Variants in RIMS3 observed in about 807,000 individuals in gnomAD.
The protein encoded by RIMS3 is regulating synaptic membrane exocytosis protein 3.
A neutral mutation model predicts 29.2 loss-of-function variants in RIMS3; 15 were observed. That is an observed-to-expected ratio of 0.51 (90% confidence interval 0.34 to 0.79). The LOEUF (loss-of-function observed/expected upper bound fraction) is 0.79, where lower values mean the gene tolerates loss of function less well. Among genes scored for constraint, RIMS3 ranks in the 30% least tolerant of loss-of-function variants. RIMS3 has a pLI of 0.01. For missense variants in RIMS3, 342 were observed against 421.4 expected, an observed-to-expected ratio of 0.81 and a Z score of 1.65; for synonymous variants, 161 against 170.1, an observed-to-expected ratio of 0.95 and a Z score of 0.41.
chr1:40,654,410 G>A lies in RIMS3; in HGVS notation c.-206-6568C>T, dbSNP rs926541973. On this transcript the variant is annotated intron_variant, in intron 1 of 7. Coordinates refer to ENST00000372684, the MANE Select transcript of RIMS3 (RefSeq NM_014747.3). The surrounding 1 kb of genome is among the most constrained non-coding windows in gnomAD (Gnocchi z 5.3). The stretch of plus-strand genomic sequence containing the variant: ...CCTTTCAGGGCACAAAGACCCGCAC[G>A]CAAGCCATACACCTCCGGTTGGCCA... Among the ~76,000 whole-genome samples the A allele has an allele frequency of 1.3e-5, 2 of 152,056 alleles. No homozygotes were observed. Among genetic ancestry groups the A allele is most frequent in the Admixed American group, 6.6e-5 (1 of 15,266 alleles).
chr1:40,667,350 G>A (rs930925971), upstream of RIMS3, among the ~76,000 whole-genome samples: 5 of 152,146 alleles, frequency 3.3e-5, no homozygotes, highest in African/African-American at 4.8e-5. Flanking sequence ...ACTAGATTAG[G>A]GGAGGTGGGA....
intron 1 of RIMS3, among the ~76,000 whole-genome samples, chr1:40,664,397 C>T (rs981189661): frequency 3.3e-5 from 5 of 152,122 alleles, no homozygotes; most frequent in African/African-American, 1.2e-4. Flanking sequence ...TTGACCAGGC[C>T]CAATCCTCCT....
intron 3 of RIMS3, among the ~76,000 whole-genome samples, chr1:40,640,760 G>T (rs539827235): frequency 6.6e-6 from 1 of 152,230 alleles, no homozygotes; most frequent in South Asian, 2.1e-4. Context: ...CTGCAGCTAG[G>T]TGTCTGAAAA....
rs1041513395 is a variant in RIMS3, at chr1:40,631,251, G to A, written c.472+1818C>T. Reference sequence around the variant, plus strand: ...ACCTAAGAGAGGGAGGGGGCAGGGAGGTTCTGTCTGAGAGCTCATGAAATG... The same window carrying A: ...ACCTAAGAGAGGGAGGGGGCAGGGAAGTTCTGTCTGAGAGCTCATGAAATG... On this transcript the variant is annotated intron_variant, in intron 5 of 7. Coordinates refer to ENST00000372684, the MANE Select transcript of RIMS3 (RefSeq NM_014747.3). Among the ~76,000 whole-genome samples, 4 of 152,146 alleles carry A rather than the reference G, an allele frequency of 2.6e-5. No homozygotes were observed. The East Asian group carries it at 5.8e-4, about 22-fold the overall frequency.
Position 40,626,357 on chromosome 1 carries a change from C to T in RIMS3, c.*160G>A. On this transcript the variant is annotated 3_prime_UTR_variant, in exon 8 of 8. Coordinates refer to ENST00000372684, the MANE Select transcript of RIMS3 (RefSeq NM_014747.3). ...ACACACACACGCACGCACACACGCA[C>T]ACACTACAGTCTCCACTGCCAGCTG... The T allele has an allele frequency of 1.4e-6, 1 of 702,592 alleles. No homozygotes were observed. Among genetic ancestry groups the T allele is most frequent in the Non-Finnish European group, 2.5e-6 (1 of 395,270 alleles). 43.5% of individuals were successfully genotyped at this position (702,592 alleles called of 1,614,324 possible). A position where few individuals can be genotyped will look rare whatever the true frequency, so the allele number is the denominator to read the frequency against.
At chr1:40,630,904 C>G (rs1646485024) in intron 5 of RIMS3, among the ~76,000 whole-genome samples, 1 of 152,204 alleles carries the variant, frequency 6.6e-6, no homozygotes, top group Non-Finnish European at 1.5e-5. Context: ...TCAGCTGATC[C>G]TTGCCCTCTG....
upstream of RIMS3, among the ~76,000 whole-genome samples, chr1:40,667,391 T>C (rs1642439861): frequency 2.6e-5 from 4 of 151,508 alleles, no homozygotes; most frequent in South Asian, 8.3e-4. Context: ...GGAACGAGGG[T>C]GGAGGTGAGG....
chr1:40,621,398 G>A lies in RIMS3; in HGVS notation c.*5119C>T, dbSNP rs1014198544. ...GAGGGAGGACAAACCACGAAGAGAG[G>A]AAAGCAGAGTCTGTTAGGATTCCCA... On this transcript the variant is annotated 3_prime_UTR_variant, in exon 8 of 8. Coordinates refer to ENST00000372684, the MANE Select transcript of RIMS3 (RefSeq NM_014747.3). 1.3e-5 allele frequency: 2 copies of A among 152,198 alleles called. No individual in the cohort carries two copies. Among genetic ancestry groups the A allele is most frequent in the Non-Finnish European group, 2.9e-5 (2 of 68,054 alleles). The allele number at this position is 152,198 out of a possible 1,614,324, so 9.4% of individuals were successfully genotyped here.
chr1:40,633,050 T>C lies in RIMS3; in HGVS notation c.472+19A>G, dbSNP rs1427184053. On this transcript the variant is annotated intron_variant, in intron 5 of 7. Transcript: ENST00000372684. The stretch of plus-strand genomic sequence containing the variant: ...ATGGTCACCATTACCCCACTCAACC[T>C]GCCCTTAATAAGACTCACCCATGGG... 2 of 1,602,466 alleles carry C rather than the reference T, an allele frequency of 1.2e-6. No individual in the cohort carries two copies. Among genetic ancestry groups the C allele is most frequent in the Non-Finnish European group, 8.6e-7 (1 of 1,169,372 alleles).
chr1:40,672,159 T>C, the RIMS3 span, among the ~76,000 whole-genome samples: 1 of 151,480 alleles, frequency 6.6e-6, no homozygotes, highest in African/African-American at 2.4e-5. Flanking sequence ...AATCACCCCA[T>C]CTTTGAGATG....
At chr1:40,689,791 T>C in the RIMS3 span, among the ~76,000 whole-genome samples, 527 of 152,292 alleles carry the variant, frequency 3.5e-3, 2 homozygotes, top group African/African-American at 0.011. Flanking sequence ...AGTTATAACA[T>C]TGACTATTAA....
intron 3 of RIMS3, among the ~76,000 whole-genome samples, chr1:40,639,906 A>C (rs1646544773): frequency 6.6e-6 from 1 of 152,110 alleles, no homozygotes; most frequent in Non-Finnish European, 1.5e-5. Context: ...CATACCAAGG[A>C]GACAAGGGAT....
intron 1 of RIMS3, among the ~76,000 whole-genome samples, chr1:40,658,774 T>A (rs1024989356): frequency 6.6e-6 from 1 of 152,220 alleles, no homozygotes; most frequent in African/African-American, 2.4e-5. Context: ...TCAAGTTCCC[T>A]TGGCCCTCCA....
At chr1:40,690,104 A>G in the RIMS3 span, among the ~76,000 whole-genome samples, 2 of 152,258 alleles carry the variant, frequency 1.3e-5, no homozygotes, top group African/African-American at 4.8e-5. Flanking sequence ...AATAGACTGC[A>G]GCCCCTAAGT....
At chr1:40,677,665 T>C in the RIMS3 span, among the ~76,000 whole-genome samples, 1 of 151,794 alleles carries the variant, frequency 6.6e-6, no homozygotes, top group Non-Finnish European at 1.5e-5. Flanking sequence ...ACCACTGCAC[T>C]CCAGCCTGGG....
At chr1:40,646,493 T>A (rs1366398557) in intron 2 of RIMS3, among the ~76,000 whole-genome samples, 1 of 152,182 alleles carries the variant, frequency 6.6e-6, no homozygotes, top group East Asian at 1.9e-4. Flanking sequence ...CTGAGCAGAC[T>A]GTCCCTTTCT....
the RIMS3 span, among the ~76,000 whole-genome samples, chr1:40,682,222 T>A: frequency 6.6e-6 from 1 of 152,234 alleles, no homozygotes. Flanking sequence ...ATTCATTCAT[T>A]CATTCAATGT....
At chr1:40,661,198 A>C (rs1369492386) in intron 1 of RIMS3, among the ~76,000 whole-genome samples, 1 of 152,166 alleles carries the variant, frequency 6.6e-6, no homozygotes. Context: ...TATACCACAG[A>C]GATGATAATA....
the RIMS3 span, among the ~76,000 whole-genome samples, chr1:40,684,487 ATC>A: frequency 6.6e-6 from 1 of 152,222 alleles, no homozygotes; most frequent in Non-Finnish European, 1.5e-5. Flanking sequence ...AAAAACTGTG[ATC>A]TGTTTTAGCA....
Sources: allele counts gnomAD v4.1 joint callset (sites outside exome capture counted in the v4.1 genomes callset), GRCh38; gene constraint gnomAD v4.1.1; non-coding constraint Gnocchi (gnomAD v3.1); transcripts MANE v1.5; gene names NCBI Gene and HGNC (gene_info 2026-07-23, HGNC 2026-07-21).